ABCC10: variants seen among roughly 807,000 people sequenced by gnomAD.
The protein encoded by ABCC10 is ATP-binding cassette sub-family C member 10.
In ABCC10, 110 loss-of-function variants were observed where a neutral mutation model predicts 143.2. The ratio of observed to expected loss-of-function variants is 0.77; its 90% CI spans 0.66 to 0.90. ABCC10 has a LOEUF of 0.90. Ranked by LOEUF, ABCC10 falls within the 40% of genes least tolerant of loss-of-function variation. The pLI, the probability that ABCC10 is intolerant of heterozygous loss-of-function variation, is 0.00. For synonymous variants in ABCC10, 805 were observed against 846.7 expected (o/e 0.95, Z 0.85); for missense variants, 1,700 against 1,900.5 (o/e 0.89, Z 1.96).
rs1346570474 is a variant in ABCC10, at chr6:43,432,370, C to T, written c.390C>T (p.Ser130=). The part of the protein sequence containing the change: ...WVLAHSPHGH[S]RGPLALALVA... The stretch of plus-strand genomic sequence containing the variant: ...TGGCACATTCCCCTCATGGCCACTC[C>T]CGGGGTCCCTTGGCCTTGGCCCTGG... Residue 130 remains serine (S), a synonymous_variant, in exon 3 of 22, where the codon TCC becomes TCT. Coordinates refer to ENST00000372530, the MANE Select transcript of ABCC10 (RefSeq NM_001198934.2). 1 of 1,613,320 alleles carries T rather than the reference C, an allele frequency of 6.2e-7. No homozygotes were observed. Among genetic ancestry groups the T allele is most frequent in the Admixed American group, 1.7e-5 (1 of 60,034 alleles).
Position 43,443,230 on chromosome 6 carries a change from C to T in ABCC10, c.2416+71C>T. The T allele has an allele frequency of 4.2e-6, 6 of 1,423,366 alleles. No homozygotes were observed. The highest frequency in any genetic ancestry group is 5.6e-6 in the Non-Finnish European group (6 of 1,076,144). The allele number at this position is 1,423,366 out of a possible 1,614,324, so 88.2% of individuals were successfully genotyped here. A position where few individuals can be genotyped will look rare whatever the true frequency, so the allele number is the denominator to read the frequency against. Reference sequence around the variant, plus strand: ...CTGGCAGGGGATTGTGAAGTACAGACTCTGCCCCCTGCTGCATGTGTGCCC... The same window carrying T: ...CTGGCAGGGGATTGTGAAGTACAGATTCTGCCCCCTGCTGCATGTGTGCCC... On this transcript the variant is annotated intron_variant, in intron 10 of 21. Coordinates refer to ENST00000372530, the MANE Select transcript of ABCC10 (RefSeq NM_001198934.2). The surrounding 1 kb of genome is among the most constrained non-coding windows in gnomAD (Gnocchi z 4.2).
At chr6:43,444,962 G>A in intron 13 of ABCC10, 24 bp downstream of exon 13, 2 of 1,599,174 alleles carry the variant, frequency 1.3e-6, no homozygotes, top group Non-Finnish European at 1.7e-6. Flanking sequence ...GCTGGGGGTA[G>A]GCCTGGTGCT....
rs1053067228 is a variant in ABCC10 at position 43,444,712 on chromosome 6, G to C, written c.2690-76G>C. 6 of 1,508,024 alleles carry C rather than the reference G, an allele frequency of 4.0e-6. No homozygotes were observed. The African/African-American group carries it at 8.4e-5, about 21-fold the overall frequency. 93.4% of individuals were successfully genotyped at this position (1,508,024 alleles called of 1,614,324 possible). ...TGGGCAGGAACCAGAGGCAAGGGCG[G>C]AGAAAGGGGGCATTGGAATAGAATG... On this transcript the variant is annotated intron_variant, in intron 12 of 21. Transcript: ENST00000372530.
At chr6:43,434,202 C>T (rs1781440322) in intron 3 of ABCC10, among the ~76,000 whole-genome samples, 1 of 152,252 alleles carries the variant, frequency 6.6e-6, no homozygotes, top group East Asian at 1.9e-4. Context: ...CTGTGCCACT[C>T]AAGCCGGGGG....
Position 43,441,953 on chromosome 6 carries a change from T to C in ABCC10, c.2219T>C (p.Val740Ala). The change falls in exon 9 of 22, where the codon GTC becomes GCC. Residue 740 changes from valine to alanine, a missense_variant. By Grantham distance (64) the Val-to-Ala change is moderately conservative (BLOSUM62 0). Transcript: ENST00000372530. ...QRARIALARAVYQEKELYLLD... is the reference protein window; with the variant it reads ...QRARIALARAAYQEKELYLLD... The stretch of plus-strand genomic sequence containing the variant: ...GCCCGGATTGCCCTTGCTCGTGCTG[T>C]CTACCAGGTCAGTTAAAGATGGAGG... 6.2e-7 allele frequency: 1 copy of C among 1,613,660 alleles called. No individual in the cohort carries two copies. Among genetic ancestry groups the C allele is most frequent in the South Asian group, 1.1e-5 (1 of 91,046 alleles).
intron 13 of ABCC10, 49 bp downstream of exon 13, chr6:43,444,987 C>A (rs748978850): frequency 1.3e-6 from 2 of 1,585,670 alleles, no homozygotes; most frequent in Non-Finnish European, 1.7e-6. Context: ...GAGTGGTCGC[C>A]AGGCAGGGAG....
At chr6:43,427,877 G>A in intron 1 of ABCC10, 91 bp from the exon 2 acceptor site, 1 of 1,466,058 alleles carries the variant, frequency 6.8e-7, no homozygotes. Context: ...CCGGTTCCAG[G>A]GCGGGGCTGG....
downstream of ABCC10, chr6:43,450,715 A>T (rs41281806): frequency 3.3e-3 from 5,372 of 1,614,122 alleles, 15 homozygotes; most frequent in Non-Finnish European, 3.7e-3. The surrounding 1 kb of genome is among the most constrained non-coding windows in gnomAD (Gnocchi z 4.5). Context: ...AGGGTCAGCA[A>T]CACAGTAGCC....
chr6:43,450,453 C>T, downstream of ABCC10: 2 of 1,450,732 alleles, frequency 1.4e-6, no homozygotes, highest in South Asian at 1.4e-5. This position sits in a 1 kb window ranked among gnomAD's most constrained non-coding sequence, Gnocchi z 4.5. Flanking sequence ...TGTGTGTGTA[C>T]CCAAGCTGAA....
intron 4 of ABCC10, 146 bp from the exon 5 acceptor site, chr6:43,435,605 C>T: frequency 1.1e-6 from 1 of 909,990 alleles, no homozygotes; most frequent in African/African-American, 1.7e-5. Flanking sequence ...ACCATCTCTG[C>T]CACATCTGAT....
At chr6:43,448,144 G>T in intron 18 of ABCC10, 1 of 807,532 alleles carries the variant, frequency 1.2e-6, no homozygotes. Flanking sequence ...GGTCTTCCTC[G>T]CCCTGACCCA....
rs77430274 is a variant in ABCC10, at chr6:43,445,200, G to T, written c.2916G>T (p.Ala972=). 6.2e-7 allele frequency: 1 copy of T among 1,614,020 alleles called. No homozygotes were observed. The highest frequency in any genetic ancestry group is 1.1e-5 in the South Asian group (1 of 91,062). ...TCCGTTTCTACCTCACCGTGTATGC[G>T]ACCATTGCTGGTGTAAATTCCCTCT... The part of the protein sequence containing the change: ...SDIRFYLTVY[A]TIAGVNSLCT... Residue 972 remains alanine (A), a synonymous_variant, in exon 14 of 22, where the codon GCG becomes GCT. Transcript: ENST00000372530.
At position 43,444,352 on chromosome 6, in the gene ABCC10, A is replaced by C; in HGVS notation, c.2688A>C (p.Gln896His). ...TCCTCTTCTCTCTGCTTCTCATGCA[A>C]GGTGAGAGCGTGCCTGGGAGTCTCT... ...LAILFSLLLMQATRNAADWWL... is the reference protein window; with the variant it reads ...LAILFSLLLMHATRNAADWWL... Residue 896 changes from glutamine to histidine, a missense_variant and splice_region_variant, in exon 12 of 22, where the codon CAA becomes CAC. Gln to His is a conservative substitution (Grantham distance 24). Transcript: ENST00000372530. 1 of 1,603,042 alleles carries C rather than the reference A, an allele frequency of 6.2e-7. No individual in the cohort carries two copies. Among genetic ancestry groups the C allele is most frequent in the Non-Finnish European group, 8.5e-7 (1 of 1,175,052 alleles).
Position 43,438,752 on chromosome 6 carries a change from A to G in ABCC10, c.2084A>G (p.Tyr695Cys), listed in dbSNP as rs1329195197. 6.2e-7 allele frequency: 1 copy of G among 1,614,110 alleles called. No homozygotes were observed. Reference protein sequence around the residue: ...LFGKTFDAQLYKEVLEACALN... With the variant: ...LFGKTFDAQLCKEVLEACALN... ...GGGAAGACATTTGATGCACAGCTGT[A>G]CAAGGAGGTGCTAGAAGCCTGCGCC... The change falls in exon 8 of 22, where the codon TAC (tyrosine) becomes TGC (cysteine). Residue 695 changes from tyrosine to cysteine, a missense_variant. Physicochemically the swap from Tyr to Cys is radical, Grantham distance 194 (BLOSUM62 -2). Coordinates refer to ENST00000372530, the MANE Select transcript of ABCC10 (RefSeq NM_001198934.2).
In ABCC10 at chr6:43,427,670, T is replaced by A; in HGVS notation, c.-99T>A. The A allele has an allele frequency of 2.1e-6, 1 of 484,170 alleles. No homozygotes were observed. The allele number at this position is 484,170 out of a possible 1,614,324, so 30.0% of individuals were successfully genotyped here. A position where few individuals can be genotyped will look rare whatever the true frequency, so the allele number is the denominator to read the frequency against. On this transcript the variant is annotated 5_prime_UTR_variant, in exon 1 of 22. Transcript: ENST00000372530. ...TTTGCATACACCAGTTCTCAGGATATCGGAATCCGGTGCACAGCAGCTTCT... is the reference window on the plus strand; with the variant it reads ...TTTGCATACACCAGTTCTCAGGATAACGGAATCCGGTGCACAGCAGCTTCT...
rs1474443568 is a variant in ABCC10 at position 43,433,212 on chromosome 6, C to T, written c.1232C>T (p.Thr411Ile). Residue 411 changes from threonine (T) to isoleucine (I), a missense_variant, in exon 3 of 22, where the codon ACC becomes ATC. Transcript: ENST00000372530. ...AWGLPLQLAI[T>I]LYLLYQQVGV... ...GGCCTGCCCCTGCAACTGGCCATCA[C>T]CCTCTACCTGCTGTACCAGCAGGTA... 1 of 1,614,180 alleles carries T rather than the reference C, an allele frequency of 6.2e-7. No individual in the cohort carries two copies. The highest frequency in any genetic ancestry group is 2.2e-5 in the East Asian group (1 of 44,886).
downstream of ABCC10, chr6:43,450,908 G>A: frequency 1.9e-6 from 3 of 1,614,200 alleles, no homozygotes; most frequent in Non-Finnish European, 2.5e-6. The surrounding 1 kb of genome is among the most constrained non-coding windows in gnomAD (Gnocchi z 4.5). Context: ...CTAGAGGGGT[G>A]TCCACTGTGG....
chr6:43,446,854 G>GTTTT, intron 16 of ABCC10: 1 of 920,920 alleles, frequency 1.1e-6, no homozygotes, highest in Non-Finnish European at 1.3e-6. Context: ...TTTTTGTTTT[G>GTTTT]TTTTTTTTTT....
intron 4 of ABCC10, 117 bp from the exon 5 acceptor site, chr6:43,435,634 G>C: frequency 8.0e-7 from 1 of 1,250,244 alleles, no homozygotes; most frequent in Non-Finnish European, 1.1e-6. Context: ...TGGCCAGCCA[G>C]CCCTTCAGTT....
Sources: allele counts gnomAD v4.1 joint callset (sites outside exome capture counted in the v4.1 genomes callset), GRCh38; gene constraint gnomAD v4.1.1; non-coding constraint Gnocchi (gnomAD v3.1); transcripts MANE v1.5; gene names NCBI Gene and HGNC (gene_info 2026-07-23, HGNC 2026-07-21).